MACROD2: variants seen among roughly 807,000 people sequenced by gnomAD.
The protein encoded by MACROD2 is mono-ADP ribosylhydrolase 2.
Under a neutral mutation model 70.4 loss-of-function variants are expected in MACROD2, and 36 were observed. The ratio of observed to expected loss-of-function variants is 0.51; its 90% CI spans 0.39 to 0.68. The LOEUF is 0.68. MACROD2 is among the 30% of genes least tolerant of loss of function. MACROD2 has a pLI of 0.00. For missense variants in MACROD2, 496 were observed against 538.4 expected (o/e 0.92, Z 0.78); for synonymous variants, 172 against 178.8 (o/e 0.96, Z 0.30).
At chr20:15,451,484 G>A (rs193297681) in intron 7 of MACROD2, among the ~76,000 whole-genome samples, 5 of 144,280 alleles carry the variant, frequency 3.5e-5, no homozygotes, top group East Asian at 2.1e-4. Context: ...AAATACACTC[G>A]AGAATGGGCT....
At chr20:14,496,347 C>T (rs187727751) in intron 4 of MACROD2, among the ~76,000 whole-genome samples, 5 of 152,192 alleles carry the variant, frequency 3.3e-5, no homozygotes, top group Non-Finnish European at 5.9e-5. Flanking sequence ...GGAGGGCTTC[C>T]CCCATATTCT....
chr20:15,221,147 G>A (rs555774541), intron 5 of MACROD2, among the ~76,000 whole-genome samples: 3 of 152,218 alleles, frequency 2.0e-5, no homozygotes, highest in Non-Finnish European at 2.9e-5. Flanking sequence ...CTTTAAAGCC[G>A]ATTTTCTCCT....
At chr20:15,397,600 C>A (rs544769048) in intron 6 of MACROD2, among the ~76,000 whole-genome samples, 2 of 152,216 alleles carry the variant, frequency 1.3e-5, no homozygotes, top group East Asian at 3.9e-4. Flanking sequence ...CCTGGCCTAG[C>A]CTCTTGCATT....
At chr20:15,652,884 GA>G (rs941714304) in intron 8 of MACROD2, among the ~76,000 whole-genome samples, 32 of 152,116 alleles carry the variant, frequency 2.1e-4, no homozygotes, top group African/African-American at 7.2e-4. Context: ...AAAATGCATA[GA>G]AAAATGCACA....
At chr20:15,679,891 G>A (rs2050137389) in intron 8 of MACROD2, among the ~76,000 whole-genome samples, 1 of 152,186 alleles carries the variant, frequency 6.6e-6, no homozygotes, top group Non-Finnish European at 1.5e-5. Context: ...AAAATAAAAT[G>A]TTGTTTTAAG....
intron 4 of MACROD2, among the ~76,000 whole-genome samples, chr20:14,675,041 A>G (rs2070842765): frequency 1.3e-5 from 2 of 152,182 alleles, no homozygotes; most frequent in African/African-American, 4.8e-5. Context: ...TCATCTTTGT[A>G]AGACAAGAAG....
intron 5 of MACROD2, among the ~76,000 whole-genome samples, chr20:14,998,000 G>A (rs189614275): frequency 6.6e-6 from 1 of 152,250 alleles, no homozygotes; most frequent in African/African-American, 2.4e-5. Flanking sequence ...CTACCAAGAT[G>A]GCACCTCTAT....
intron 3 of MACROD2, among the ~76,000 whole-genome samples, chr20:14,098,680 G>A (rs554484625): frequency 6.6e-6 from 1 of 152,252 alleles, no homozygotes; most frequent in South Asian, 2.1e-4. Flanking sequence ...AAACTGAAAT[G>A]AAATAAGGCA....
chr20:14,403,705 A>G (rs6110276), intron 3 of MACROD2, among the ~76,000 whole-genome samples: 4,011 of 152,262 alleles, frequency 0.026, 184 homozygotes, highest in African/African-American at 0.091. Context: ...GGTTGTCAAA[A>G]ATGCTGCAAA....
chr20:15,986,106 T>A (rs2066478584), intron 13 of MACROD2: 1 of 152,234 alleles, frequency 6.6e-6, no homozygotes, highest in Non-Finnish European at 1.5e-5. Flanking sequence ...CTACTGGGTT[T>A]AGGCCAGGCA....
chr20:14,051,015 A>G (rs1005511647), intron 2 of MACROD2, among the ~76,000 whole-genome samples: 1 of 152,190 alleles, frequency 6.6e-6, no homozygotes, highest in African/African-American at 2.4e-5. Context: ...TAAAAAGATG[A>G]GTGAGATTGA....
intron 6 of MACROD2, among the ~76,000 whole-genome samples, chr20:15,303,073 C>A (rs2077662192): frequency 6.6e-6 from 1 of 152,146 alleles, no homozygotes; most frequent in South Asian, 2.1e-4. Flanking sequence ...CTTTTAAATT[C>A]CTTTTTCCTT....
intron 5 of MACROD2, among the ~76,000 whole-genome samples, chr20:14,849,675 G>T (rs554767066): frequency 6.6e-6 from 1 of 152,256 alleles, no homozygotes; most frequent in East Asian, 1.9e-4. Context: ...CAGCCACTCG[G>T]GAGGCTAAGG....
chr20:14,703,691 C>T (rs1386543056), intron 5 of MACROD2, among the ~76,000 whole-genome samples: 16 of 152,196 alleles, frequency 1.1e-4, no homozygotes, highest in African/African-American at 2.2e-4. Context: ...GATTACAGAG[C>T]GAGACCCTGA....
chr20:14,064,384 T>C (rs1314628023), intron 2 of MACROD2, among the ~76,000 whole-genome samples: 1 of 152,172 alleles, frequency 6.6e-6, no homozygotes, highest in Non-Finnish European at 1.5e-5. Flanking sequence ...GACCTGTACA[T>C]GTAATGCCTC....
intron 13 of MACROD2, among the ~76,000 whole-genome samples, chr20:15,969,101 A>G (rs2066190215): frequency 6.6e-6 from 1 of 152,034 alleles, no homozygotes; most frequent in South Asian, 2.1e-4. Flanking sequence ...CCTAGCAGGA[A>G]GAATGAACGA....
At chr20:15,056,161 T>G (rs1382877517) in intron 5 of MACROD2, among the ~76,000 whole-genome samples, 1 of 152,144 alleles carries the variant, frequency 6.6e-6, no homozygotes, top group Non-Finnish European at 1.5e-5. Context: ...GCAGACTAAC[T>G]GGAAGTCTGA....
At chr20:14,152,339 G>A (rs1490947984) in intron 3 of MACROD2, among the ~76,000 whole-genome samples, 1 of 151,920 alleles carries the variant, frequency 6.6e-6, no homozygotes, top group Non-Finnish European at 1.5e-5. Flanking sequence ...TTTGACAGTA[G>A]TATTTCTCTA....
chr20:14,191,981 G>A (rs1159385448), intron 3 of MACROD2, among the ~76,000 whole-genome samples: 1 of 151,774 alleles, frequency 6.6e-6, no homozygotes, highest in Non-Finnish European at 1.5e-5. Flanking sequence ...TATAGTTTGT[G>A]GGGGAGGGGG....
Sources: allele counts gnomAD v4.1 joint callset (sites outside exome capture counted in the v4.1 genomes callset), GRCh38; gene constraint gnomAD v4.1.1; transcripts MANE v1.5; gene names NCBI Gene and HGNC (gene_info 2026-07-23, HGNC 2026-07-21).